The following ALMS1 variants were observed in gnomAD, a reference collection of about 807,000 sequenced individuals.
The protein encoded by ALMS1 is ALMS1 centrosome and basal body associated protein.
Under a neutral mutation model 352.2 loss-of-function variants are expected in ALMS1, and 271 were observed. That is an observed-to-expected ratio of 0.77 (90% CI 0.70 to 0.85). The LOEUF (loss-of-function observed/expected upper bound fraction) is 0.85. Among genes scored for constraint, ALMS1 ranks in the 40% least tolerant of loss-of-function variants. The probability of loss-of-function intolerance (pLI) is 0.00; values close to 1 mark genes in which losing one functional copy is unlikely to be tolerated. For missense variants in ALMS1, 5,445 were observed against 4,870.7 expected (o/e 1.12, Z -3.51); for synonymous variants, 1,865 against 1,761.2 (o/e 1.06, Z -1.48).
rs6546839 is a variant in ALMS1 at position 73,453,381 on chromosome 2, G to T, written c.6854G>T (p.Arg2285Leu). The change falls in exon 8 of 23, where the codon CGT becomes CTT. Residue 2285 changes from arginine (R) to leucine (L), a missense_variant. Transcript: ENST00000613296. ...KRCNFPAPLARFRDISDISFI... is the reference protein window; with the variant it reads ...KRCNFPAPLALFRDISDISFI... ...TGCAATTTTCCTGCTCCCCTTGCCC[G>T]TTTCAGAGATATTAGTGATATTTCA... 3.1e-6 allele frequency: 5 copies of T among 1,613,358 alleles called. No homozygotes were observed. The African/African-American group carries it at 5.4e-5, about 17-fold the overall frequency.
At chr2:73,597,646 T>C (rs1031298905) in intron 16 of ALMS1, among the ~76,000 whole-genome samples, 1 of 152,250 alleles carries the variant, frequency 6.6e-6, no homozygotes, top group Admixed American at 6.5e-5. Flanking sequence ...TCATCTGTTA[T>C]TTCTAAAATG....
At chr2:73,416,225 A>G (rs919994782) in intron 2 of ALMS1, among the ~76,000 whole-genome samples, 2 of 152,218 alleles carry the variant, frequency 1.3e-5, no homozygotes, top group African/African-American at 4.8e-5. Context: ...CTCTAAAGAA[A>G]AAATGTAAAA....
chr2:73,485,744 G>T (rs981180229), intron 9 of ALMS1, among the ~76,000 whole-genome samples: 2 of 152,238 alleles, frequency 1.3e-5, no homozygotes, highest in African/African-American at 4.8e-5. Flanking sequence ...GGCCTAGGAC[G>T]CTCGGAGCCA....
In ALMS1 at chr2:73,559,112, A is replaced by C; in HGVS notation, c.10354A>C (p.Asn3452His). ...AGTTCCCGAGGAAGCCTGGCCAAAC[A>C]ATAAAGAATCCCTACAGATCAATAT... The part of the protein sequence containing the change: ...KTVPEEAWPN[N>H]KESLQINIEE... The change falls in exon 15 of 23, where the codon AAT (asparagine) becomes CAT (histidine). Residue 3452 changes from asparagine to histidine, a missense_variant. Asn to His is a moderately conservative substitution (Grantham distance 68, BLOSUM62 1). Coordinates refer to ENST00000613296, the MANE Select transcript of ALMS1 (RefSeq NM_001378454.1). The C allele has an allele frequency of 1.2e-6, 2 of 1,613,958 alleles. No homozygotes were observed. Among genetic ancestry groups the C allele is most frequent in the South Asian group, 1.1e-5 (1 of 91,066 alleles).
rs1245248608 is a variant in ALMS1, at chr2:73,450,221, C to T, written c.3694C>T (p.Pro1232Ser). 2 of 1,614,066 alleles carry T rather than the reference C, an allele frequency of 1.2e-6. No homozygotes were observed. Among genetic ancestry groups the T allele is most frequent in the Admixed American group, 1.7e-5 (1 of 59,998 alleles). ...LGPADQKTGT[P>S]TPTSASYSHT... Reference sequence around the variant, plus strand: ...ACCAGCTGACCAGAAGACTGGGACACCAACTCCAACCTCTGCTTCTTACTC... The same window carrying T: ...ACCAGCTGACCAGAAGACTGGGACATCAACTCCAACCTCTGCTTCTTACTC... Residue 1232 changes from proline to serine, a missense_variant, in exon 8 of 23, where the codon CCA (proline) becomes TCA (serine). By Grantham distance (74) the Pro-to-Ser change is moderately conservative. Coordinates refer to ENST00000613296, the MANE Select transcript of ALMS1 (RefSeq NM_001378454.1).
At position 73,608,863 on chromosome 2, in the gene ALMS1, C is replaced by A. The variant is rs372469214; in HGVS notation, c.12462+289C>A. ...CATTGACATATCATGGTAGAAATAC[C>A]AGAATTATCAGGTTTCCATTCCAGA... On this transcript the variant is annotated intron_variant, in intron 22 of 22. Transcript: ENST00000613296. Among the ~76,000 whole-genome samples, 49 of 152,288 alleles carry A rather than the reference C, an allele frequency of 3.2e-4. No individual in the cohort carries two copies. In the South Asian group the frequency reaches 4.2e-3, roughly 13 times the overall value.
chr2:73,466,166 T>C (rs1452029702), intron 9 of ALMS1, among the ~76,000 whole-genome samples: 12 of 152,128 alleles, frequency 7.9e-5, no homozygotes, highest in African/African-American at 2.4e-4. Context: ...ATCGTGCTGC[T>C]ATAAAGACAC....
chr2:73,484,067 A>T (rs1438755742), intron 9 of ALMS1, among the ~76,000 whole-genome samples: 1 of 151,798 alleles, frequency 6.6e-6, no homozygotes, highest in African/African-American at 2.4e-5. Context: ...CATTTAGTCC[A>T]TTTATATTTA....
Position 73,391,538 on chromosome 2 carries a change from C to T in ALMS1, c.324+5346C>T, listed in dbSNP as rs189772320. 4.8e-4 allele frequency among the ~76,000 whole-genome samples: 73 copies of T among 152,188 alleles called. 1 individual carries two copies. In the East Asian group the frequency reaches 0.013, roughly 26 times the overall value. On this transcript the variant is annotated intron_variant, in intron 1 of 22. Coordinates refer to ENST00000613296, the MANE Select transcript of ALMS1 (RefSeq NM_001378454.1). ...TCCATCTCCTGACCTCGTGATACAC[C>T]CGCCTCGGCCTCCCAAAGTGCTGGG... is the stretch of plus-strand genomic sequence containing the variant.
intron 21 of ALMS1, among the ~76,000 whole-genome samples, chr2:73,606,988 GC>G (rs1377318443): frequency 4.6e-5 from 7 of 152,152 alleles, no homozygotes; most frequent in African/African-American, 1.4e-4. Flanking sequence ...TTCCCGCAGA[GC>G]CCTCCATGAA....
At chr2:73,540,495 G>A (rs965754156) in intron 12 of ALMS1, among the ~76,000 whole-genome samples, 17 of 152,082 alleles carry the variant, frequency 1.1e-4, no homozygotes, top group African/African-American at 1.7e-4. Flanking sequence ...CTAACATCAC[G>A]ATGACAGGAT....
At chr2:73,436,050 G>A (rs1671599063) in intron 7 of ALMS1, among the ~76,000 whole-genome samples, 1 of 152,102 alleles carries the variant, frequency 6.6e-6, no homozygotes, top group Non-Finnish European at 1.5e-5. Context: ...TTCAGCCTTT[G>A]GAACTTCCTA....
chr2:73,458,973 C>G (rs769942873), intron 9 of ALMS1: 1 of 152,054 alleles, frequency 6.6e-6, no homozygotes, highest in African/African-American at 2.4e-5. Context: ...AAGAGTTGTC[C>G]CTTGTCACAT....
intron 16 of ALMS1, among the ~76,000 whole-genome samples, chr2:73,574,591 A>G (rs994918521): frequency 3.9e-5 from 6 of 152,160 alleles, no homozygotes; most frequent in African/African-American, 1.2e-4. Flanking sequence ...ACAATTTATT[A>G]TAAATATTAT....
At chr2:73,405,259 C>T (rs1405282833) in intron 1 of ALMS1, among the ~76,000 whole-genome samples, 5 of 151,984 alleles carry the variant, frequency 3.3e-5, no homozygotes, top group Admixed American at 1.3e-4. Context: ...GATTCAATTT[C>T]CTTGTTGTTG....
chr2:73,430,651 G>A (rs7571243), intron 6 of ALMS1, among the ~76,000 whole-genome samples: 2,936 of 152,192 alleles, frequency 0.019, 112 homozygotes, highest in African/African-American at 0.065. Flanking sequence ...CCTATGTTTA[G>A]ATACACAAAT....
chr2:73,477,185 A>C (rs1432681727), intron 9 of ALMS1, among the ~76,000 whole-genome samples: 1 of 152,132 alleles, frequency 6.6e-6, no homozygotes, highest in African/African-American at 2.4e-5. Context: ...TATGTATGGC[A>C]TGCAAATTCG....
intron 10 of ALMS1, among the ~76,000 whole-genome samples, chr2:73,492,361 A>C (rs1673008630): frequency 6.6e-6 from 1 of 152,206 alleles, no homozygotes; most frequent in South Asian, 2.1e-4. Flanking sequence ...TATCCTACTT[A>C]GTTCTCATCA....
chr2:73,576,624 C>CTT (rs60798625), intron 16 of ALMS1, among the ~76,000 whole-genome samples: 1 of 142,512 alleles, frequency 7.0e-6, no homozygotes. Context: ...TTTTCTTTTT[C>CTT]TTTTTTTTTT....
Sources: allele counts gnomAD v4.1 joint callset (sites outside exome capture counted in the v4.1 genomes callset), GRCh38; gene constraint gnomAD v4.1.1; transcripts MANE v1.5; gene names NCBI Gene and HGNC (gene_info 2026-07-23, HGNC 2026-07-21).